Variants in PTPRN2 observed in about 807,000 individuals in gnomAD.
PTPRN2 encodes receptor-type tyrosine-protein phosphatase N2.
PTPRN2 carries 74 observed loss-of-function variants against 118.8 expected under a neutral mutation model. The ratio of observed to expected loss-of-function variants is 0.62; its 90% CI spans 0.52 to 0.76. PTPRN2 has a LOEUF of 0.76. Ranked by LOEUF, PTPRN2 falls within the 30% of genes least tolerant of loss-of-function variation. PTPRN2 has a pLI of 0.00. For missense variants in PTPRN2, 1,481 were observed against 1,394.4 expected (o/e 1.06, Z -0.99); for synonymous variants, 641 against 608.0 (o/e 1.05, Z -0.80).
intron 5 of PTPRN2, among the ~76,000 whole-genome samples, chr7:158,173,555 A>C (rs1823909230): frequency 6.6e-6 from 1 of 152,226 alleles, no homozygotes; most frequent in South Asian, 2.1e-4. Flanking sequence ...CTGGGCATGC[A>C]TTGTCTTGAT....
intron 2 of PTPRN2, among the ~76,000 whole-genome samples, chr7:158,365,850 C>CCCA (rs1809428401): frequency 2.9e-5 from 3 of 102,500 alleles, no homozygotes; most frequent in African/African-American, 1.3e-4. Context: ...ACACACACAC[C>CCCA]CACACACACA....
intron 3 of PTPRN2, among the ~76,000 whole-genome samples, chr7:158,310,511 G>A (rs1439983670): frequency 6.6e-6 from 1 of 152,222 alleles, no homozygotes; most frequent in Non-Finnish European, 1.5e-5. Context: ...TGTGAATGAG[G>A]AATTGGAAAC....
rs1337737079 is a variant in PTPRN2, at chr7:158,563,024, G to A, written c.112+24534C>T. Among the ~76,000 whole-genome samples, 1 of 152,192 alleles carries A rather than the reference G, an allele frequency of 6.6e-6. No homozygotes were observed. The highest frequency in any genetic ancestry group is 1.9e-4 in the East Asian group (1 of 5,198). On this transcript the variant is annotated intron_variant, in intron 1 of 22. Coordinates refer to ENST00000389418, the MANE Select transcript of PTPRN2 (RefSeq NM_002847.5). This position sits in a 1 kb window ranked among gnomAD's most constrained non-coding sequence, Gnocchi z 5.1. ...TGGCCCAGGAAAACCTACATTGAGGGGGCAGGGTGTGGTCCTCCTGGTTTC... is the reference window on the plus strand; with the variant it reads ...TGGCCCAGGAAAACCTACATTGAGGAGGCAGGGTGTGGTCCTCCTGGTTTC...
rs978583623 is a variant in PTPRN2, at chr7:158,326,704, TCA to T, written c.164-9774_164-9773del. ...CACAGTCTCACACATGCACACATCC[TCA>T]CACATGCTCTCACATGCATACATTC... On this transcript the variant is annotated intron_variant, in intron 2 of 22. Transcript: ENST00000389418. 3.0e-4 allele frequency among the ~76,000 whole-genome samples: 41 copies of T among 137,114 alleles called. 1 individual carries two copies. Among genetic ancestry groups the T allele is most frequent in the Non-Finnish European group, 4.0e-4 (26 of 64,576 alleles). 90.0% of individuals were successfully genotyped at this position (137,114 alleles called of 152,430 possible). A position where few individuals can be genotyped will look rare whatever the true frequency, so the allele number is the denominator to read the frequency against.
chr7:157,834,070 G>A (rs61365777), intron 12 of PTPRN2, among the ~76,000 whole-genome samples: 17,812 of 147,466 alleles, frequency 0.12, 2,207 homozygotes, highest in African/African-American at 0.31. Flanking sequence ...TGAGCCAGCA[G>A]CATTCCCTGT....
At chr7:157,950,735 G>C (rs1800758955) in intron 11 of PTPRN2, among the ~76,000 whole-genome samples, 1 of 152,164 alleles carries the variant, frequency 6.6e-6, no homozygotes, top group Non-Finnish European at 1.5e-5. Context: ...AGCAAGGTCT[G>C]CGTGGAGTGA....
intron 2 of PTPRN2, among the ~76,000 whole-genome samples, chr7:158,318,736 A>T (rs1169914944): frequency 6.6e-6 from 1 of 152,216 alleles, no homozygotes; most frequent in Non-Finnish European, 1.5e-5. Flanking sequence ...TCTTGCGCAC[A>T]TTGGAAAATG....
chr7:157,750,735 G>A (rs1417956134), intron 12 of PTPRN2, among the ~76,000 whole-genome samples: 1 of 152,242 alleles, frequency 6.6e-6, no homozygotes, highest in Admixed American at 6.5e-5. Context: ...CCAGTGAGCT[G>A]TTGAGAGAGA....
intron 1 of PTPRN2, among the ~76,000 whole-genome samples, chr7:158,586,431 G>A (rs750217701): frequency 1.3e-5 from 2 of 152,196 alleles, no homozygotes; most frequent in Non-Finnish European, 2.9e-5. Context: ...TGCAGGCGGC[G>A]CTGGGCAACG....
At chr7:158,407,144 CGTCCTGGGTCCT>C (rs1813531432) in intron 2 of PTPRN2, among the ~76,000 whole-genome samples, 7 of 111,676 alleles carry the variant, frequency 6.3e-5, no homozygotes, top group Admixed American at 9.5e-5. Flanking sequence ...CTGCGTCCTG[CGTCCTGGGTCCT>C]GGGTCCTGGG....
intron 11 of PTPRN2, among the ~76,000 whole-genome samples, chr7:158,019,736 G>C (rs1174730039): frequency 6.6e-6 from 1 of 151,928 alleles, no homozygotes; most frequent in Admixed American, 6.5e-5. Flanking sequence ...TGGTCTCAGG[G>C]ACCCCACATC....
chr7:158,465,928 C>T (rs1453524199), intron 2 of PTPRN2, among the ~76,000 whole-genome samples: 1 of 152,234 alleles, frequency 6.6e-6, no homozygotes, highest in African/African-American at 2.4e-5. Flanking sequence ...AGCAGCTTTA[C>T]ATACTTTCAG....
chr7:157,642,192 A>G (rs998416952), intron 14 of PTPRN2, among the ~76,000 whole-genome samples: 2 of 152,164 alleles, frequency 1.3e-5, no homozygotes, highest in African/African-American at 2.4e-5. Context: ...TTTTGCCCCA[A>G]ATTGGCTGTA....
At chr7:158,325,236 G>A (rs1261856711) in intron 2 of PTPRN2, among the ~76,000 whole-genome samples, 5 of 151,828 alleles carry the variant, frequency 3.3e-5, no homozygotes, top group African/African-American at 7.3e-5. Flanking sequence ...TCCACCAAAC[G>A]CCGTGAACAC....
chr7:157,887,292 G>A (rs1796508099), intron 12 of PTPRN2, among the ~76,000 whole-genome samples: 1 of 152,010 alleles, frequency 6.6e-6, no homozygotes, highest in Admixed American at 6.6e-5. Flanking sequence ...CAGTAAACAG[G>A]CTTTTCTTAG....
chr7:158,263,106 A>ACACATATACACATATACACACATT (rs1797629160), intron 3 of PTPRN2, among the ~76,000 whole-genome samples: 1 of 59,246 alleles, frequency 1.7e-5, no homozygotes, highest in South Asian at 3.4e-4. Context: ...CACACTGCAC[A>ACACATATACACATATACACACATT]CACACACTGC....
chr7:157,805,329 ACAT>A (rs1040345634), intron 12 of PTPRN2, among the ~76,000 whole-genome samples: 12 of 151,118 alleles, frequency 7.9e-5, no homozygotes, highest in Admixed American at 7.3e-4. Flanking sequence ...GTGTGCAAAT[ACAT>A]CATCAACTGA....
intron 11 of PTPRN2, among the ~76,000 whole-genome samples, chr7:157,968,160 T>A (rs190889622): frequency 1.3e-5 from 2 of 152,292 alleles, no homozygotes; most frequent in South Asian, 2.1e-4. Context: ...ATTAAAAAAA[T>A]TCACATGGTG....
chr7:157,856,327 T>C (rs980321251), intron 12 of PTPRN2, among the ~76,000 whole-genome samples: 4 of 152,260 alleles, frequency 2.6e-5, no homozygotes, highest in South Asian at 2.1e-4. Context: ...CAAATATTCA[T>C]TTTCAAAATG....
Sources: gnomAD v4.1 joint callset for allele counts (sites outside exome capture counted in the v4.1 genomes callset) on GRCh38, gnomAD v4.1.1 for gene constraint, Gnocchi (gnomAD v3.1) non-coding constraint, MANE v1.5 for transcripts, NCBI Gene and HGNC (gene_info 2026-07-23, HGNC 2026-07-21) for gene names.